NBAS: variants seen among roughly 807,000 people sequenced by gnomAD.
NBAS encodes NAG/BC035112 fusion.
NBAS carries 219 observed loss-of-function variants against 302.5 expected under a neutral mutation model. The ratio of observed to expected loss-of-function variants is 0.72; its 90% CI spans 0.65 to 0.81. The LOEUF (loss-of-function observed/expected upper bound fraction) is 0.81. Among genes scored for constraint, NBAS ranks in the 30% least tolerant of loss-of-function variants. The pLI, the probability that NBAS is intolerant of heterozygous loss-of-function variation, is 0.00. For missense variants in NBAS, 2,932 were observed against 2,841.6 expected (o/e 1.03, Z -0.72); for synonymous variants, 1,118 against 1,021.6 (o/e 1.09, Z -1.80).
intron 48 of NBAS, among the ~76,000 whole-genome samples, chr2:15,212,949 C>G (rs1371471306): frequency 6.6e-6 from 1 of 152,118 alleles, no homozygotes; most frequent in Admixed American, 6.6e-5. Context: ...GGTATCTAAA[C>G]CTTTAGGGTA....
At chr2:15,302,931 G>A (rs1026143927) in intron 40 of NBAS, among the ~76,000 whole-genome samples, 5 of 152,288 alleles carry the variant, frequency 3.3e-5, no homozygotes, top group Admixed American at 3.3e-4. Flanking sequence ...TTGAACATCA[G>A]ACTCCAAGTT....
chr2:14,958,431 T>G, the NBAS span, among the ~76,000 whole-genome samples: 1 of 152,226 alleles, frequency 6.6e-6, no homozygotes. Context: ...GGAGCCAAGC[T>G]GCTCACAGAG....
At chr2:15,007,500 G>A in the NBAS span, among the ~76,000 whole-genome samples, 1 of 152,062 alleles carries the variant, frequency 6.6e-6, no homozygotes, top group African/African-American at 2.4e-5. Flanking sequence ...TTTTATTGCA[G>A]TCCTTTTTCT....
At chr2:15,405,068 T>C (rs1276335227) in intron 25 of NBAS, among the ~76,000 whole-genome samples, 1 of 152,200 alleles carries the variant, frequency 6.6e-6, no homozygotes, top group Non-Finnish European at 1.5e-5. Context: ...CTTGTTTTAG[T>C]CTACTCCTAC....
At chr2:15,211,021 G>GA (rs1249334160) in intron 48 of NBAS, among the ~76,000 whole-genome samples, 2 of 151,642 alleles carry the variant, frequency 1.3e-5, no homozygotes, top group South Asian at 2.1e-4. Flanking sequence ...TTAATAGGTA[G>GA]AAAAAAAGAG....
At chr2:14,889,880 G>T in the NBAS span, among the ~76,000 whole-genome samples, 2 of 152,262 alleles carry the variant, frequency 1.3e-5, no homozygotes, top group Admixed American at 6.5e-5. Flanking sequence ...TCATTTCACT[G>T]GGAAACACAT....
Position 15,431,842 on chromosome 2 carries a change from A to AT in NBAS, c.2340-4049dup, listed in dbSNP as rs148434406. Among the ~76,000 whole-genome samples, 1,240 of 152,028 alleles carry AT rather than the reference A, an allele frequency of 8.2e-3. 15 individuals carry two copies. The highest frequency in any genetic ancestry group is 0.028 in the African/African-American group (1,171 of 41,360). ...TGGATATCCCATTATATCTCAGTTA[A>AT]TAAAAAAAAGACAAGAATACATGTT... is the stretch of plus-strand genomic sequence containing the variant. On this transcript the variant is annotated intron_variant, in intron 21 of 51. Coordinates refer to ENST00000281513, the MANE Select transcript of NBAS (RefSeq NM_015909.4).
the NBAS span, among the ~76,000 whole-genome samples, chr2:15,106,274 T>C: frequency 6.6e-3 from 999 of 152,236 alleles, 23 homozygotes; most frequent in East Asian, 0.044. Context: ...AAGATTCACA[T>C]TGAGGGCTGT....
At chr2:15,420,044 A>G (rs761588033) in intron 23 of NBAS, among the ~76,000 whole-genome samples, 5 of 152,154 alleles carry the variant, frequency 3.3e-5, no homozygotes, top group South Asian at 2.1e-4. Flanking sequence ...CAGCACAAAC[A>G]TCATAGAACA....
At position 15,542,149 on chromosome 2, in the gene NBAS, G is replaced by A. The variant is rs1572993668; in HGVS notation, c.380-2793C>T. On this transcript the variant is annotated intron_variant, in intron 6 of 51. Coordinates refer to ENST00000281513, the MANE Select transcript of NBAS (RefSeq NM_015909.4). ...GTGTACCCAACAGCTCATTGAGAAC[G>A]GGCCATGATGACAATGGCAGTTTTG... Among the ~76,000 whole-genome samples the A allele has an allele frequency of 2.4e-5, 2 of 84,106 alleles. 1 individual carries two copies. Among genetic ancestry groups the A allele is most frequent in the African/African-American group, 8.6e-5 (2 of 23,134 alleles). The allele number at this position is 84,106 out of a possible 152,430, so 55.2% of individuals were successfully genotyped here.
the NBAS span, among the ~76,000 whole-genome samples, chr2:14,863,918 T>C: frequency 6.6e-6 from 1 of 152,346 alleles, no homozygotes; most frequent in Non-Finnish European, 1.5e-5. Flanking sequence ...TGGTCTCATA[T>C]CAGTTCTTCC....
At chr2:14,991,053 T>C in the NBAS span, among the ~76,000 whole-genome samples, 1 of 151,996 alleles carries the variant, frequency 6.6e-6, no homozygotes, top group Non-Finnish European at 1.5e-5. Context: ...GGTGTCTTCA[T>C]CCATCCACAA....
At chr2:15,479,940 G>A (rs1431496199) in intron 12 of NBAS, among the ~76,000 whole-genome samples, 1 of 152,190 alleles carries the variant, frequency 6.6e-6, no homozygotes, top group Non-Finnish European at 1.5e-5. Context: ...TTAAGTCACT[G>A]AATTCTAATT....
At chr2:15,355,793 G>A (rs886245522) in intron 33 of NBAS, among the ~76,000 whole-genome samples, 2 of 152,072 alleles carry the variant, frequency 1.3e-5, no homozygotes, top group Non-Finnish European at 2.9e-5. Flanking sequence ...AAGACTTCCC[G>A]GAGGCAGATG....
chr2:14,940,629 T>G, the NBAS span, among the ~76,000 whole-genome samples: 1 of 152,200 alleles, frequency 6.6e-6, no homozygotes, highest in Non-Finnish European at 1.5e-5. Flanking sequence ...TGGCTCTCAC[T>G]TCTACCTAAA....
At chr2:15,344,511 C>T (rs1672998692) in intron 35 of NBAS, among the ~76,000 whole-genome samples, 1 of 151,972 alleles carries the variant, frequency 6.6e-6, no homozygotes, top group Non-Finnish European at 1.5e-5. Flanking sequence ...GAAATTGAGG[C>T]AGTAATTAAT....
At chr2:15,541,802 GT>G (rs1175469448) in intron 6 of NBAS, among the ~76,000 whole-genome samples, 7 of 81,848 alleles carry the variant, frequency 8.6e-5, no homozygotes, top group Non-Finnish European at 2.0e-4. Context: ...CGGGAGGGAG[GT>G]GGGGGGGTTC....
intron 21 of NBAS, among the ~76,000 whole-genome samples, chr2:15,441,719 A>G (rs1678418136): frequency 6.6e-6 from 1 of 151,826 alleles, no homozygotes; most frequent in Admixed American, 6.6e-5. Context: ...GGCAAATTGG[A>G]TAAAGAGTCA....
intron 47 of NBAS, 85 bp downstream of exon 47, chr2:15,232,337 G>T (rs765223744): frequency 1.1e-5 from 14 of 1,292,356 alleles, no homozygotes; most frequent in Non-Finnish European, 1.6e-5. Flanking sequence ...AGTCTTGGAA[G>T]CCTCATACAT....
Sources: allele counts gnomAD v4.1 joint callset (sites outside exome capture counted in the v4.1 genomes callset), GRCh38; gene constraint gnomAD v4.1.1; transcripts MANE v1.5; gene names NCBI Gene and HGNC (gene_info 2026-07-23, HGNC 2026-07-21).